Variants in EFHC2 observed in about 807,000 individuals in gnomAD.
The protein encoded by EFHC2 is EF-hand domain containing 2.
In EFHC2, 18 loss-of-function variants were observed where a neutral mutation model predicts 52.7. The observed-to-expected ratio is 0.34, with a 90% CI of 0.24 to 0.51. The LOEUF (loss-of-function observed/expected upper bound fraction) is 0.51, where lower values mean the gene tolerates loss of function less well. Among genes scored for constraint, EFHC2 ranks in the 20% least tolerant of loss-of-function variants. The probability of loss-of-function intolerance (pLI) is 0.97; values close to 1 mark genes in which losing one functional copy is unlikely to be tolerated. For missense variants in EFHC2, 513 were observed against 562.5 expected, an observed-to-expected ratio of 0.91 and a Z score of 0.89; for synonymous variants, 203 against 204.1, an observed-to-expected ratio of 0.99 and a Z score of 0.04.
intron 14 of EFHC2, among the ~76,000 whole-genome samples, chrX:44,154,653 A>G (rs1438012795): frequency 9.1e-6 from 1 of 110,410 alleles, no homozygotes; most frequent in Non-Finnish European, 1.9e-5. Flanking sequence ...GCAGTGAGCC[A>G]TGATCGCACC....
intron 12 of EFHC2, among the ~76,000 whole-genome samples, chrX:44,176,654 G>A (rs1033037441): frequency 2.7e-5 from 3 of 112,288 alleles, no homozygotes; most frequent in African/African-American, 9.7e-5. Context: ...GCCTATTAAG[G>A]CTACAGCCAC....
intron 6 of EFHC2, among the ~76,000 whole-genome samples, 183 bp from the exon 7 acceptor site, chrX:44,248,593 GTAT>G (rs2037418174): frequency 8.9e-6 from 1 of 112,290 alleles, no homozygotes; most frequent in South Asian, 3.6e-4. Context: ...TAGCACTGTA[GTAT>G]TATACTTACA....
intron 1 of EFHC2, among the ~76,000 whole-genome samples, chrX:44,339,053 T>C (rs1460643569): frequency 9.0e-6 from 1 of 111,251 alleles, no homozygotes; most frequent in Non-Finnish European, 1.9e-5. Context: ...TAGCCAGGCG[T>C]GGTGGCACAC....
chrX:44,319,909 GTTTT>G (rs770831051), intron 1 of EFHC2, among the ~76,000 whole-genome samples: 3 of 111,164 alleles, frequency 2.7e-5, no homozygotes, highest in African/African-American at 9.8e-5. Context: ...GAGCAGATAA[GTTTT>G]TATTTATTTT....
At chrX:44,175,002 T>A (rs886212344) in intron 13 of EFHC2, among the ~76,000 whole-genome samples, 1 of 111,807 alleles carries the variant, frequency 8.9e-6, no homozygotes, top group African/African-American at 3.3e-5. Flanking sequence ...TTCCCTGACA[T>A]AGAATTTGGC....
chrX:44,154,105 C>G (rs942671716), intron 14 of EFHC2, among the ~76,000 whole-genome samples: 1 of 112,485 alleles, frequency 8.9e-6, no homozygotes, highest in Admixed American at 9.4e-5. Context: ...TAACTGTCTA[C>G]GTGCAGCAGG....
chrX:44,265,967 G>A (rs945008843), intron 3 of EFHC2, among the ~76,000 whole-genome samples: 1 of 111,624 alleles, frequency 9.0e-6, no homozygotes, highest in Admixed American at 9.5e-5. Flanking sequence ...GTAACCCTAC[G>A]CATCTCCCCC....
At chrX:44,198,941 T>TA (rs1206756823) in intron 11 of EFHC2, among the ~76,000 whole-genome samples, 1 of 111,898 alleles carries the variant, frequency 8.9e-6, no homozygotes, top group Admixed American at 9.4e-5. Flanking sequence ...TCTCTAGGTA[T>TA]AAAAAAAATA....
chrX:44,232,372 C>T (rs1460673145), intron 10 of EFHC2, 109 bp downstream of exon 10: 1 of 557,586 alleles, frequency 1.8e-6, no homozygotes, highest in Non-Finnish European at 2.6e-6. Flanking sequence ...TGTGTGAATG[C>T]ACAATGTACA....
rs1305902956 is a variant in EFHC2, at chrX:44,248,345, C to A, written c.1038G>T (p.Val346=). 8.5e-7 allele frequency: 1 copy of A among 1,175,857 alleles called. No homozygotes were observed. Residue 346 remains valine, a synonymous_variant, in exon 7 of 15, where the codon GTG becomes GTT. Transcript: ENST00000420999. ...SDLSLGVTIN[V]WGRKVLLYDC... ...CATAAAGGAGCACTTTTCTTCCCCA[C>A]ACATTGATGGTGACTCCTAGGGACA...
chrX:44,255,953 A>T (rs147768399), intron 4 of EFHC2, among the ~76,000 whole-genome samples: 1,391 of 111,900 alleles, frequency 0.012, 19 homozygotes, highest in African/African-American at 0.044. Flanking sequence ...TCAACTTAGA[A>T]CTCAGGATTA....
intron 2 of EFHC2, among the ~76,000 whole-genome samples, chrX:44,293,944 T>C (rs752962885): frequency 9.8e-4 from 110 of 112,357 alleles, no homozygotes; most frequent in Middle Eastern, 4.6e-3. Flanking sequence ...CAATGAGTAA[T>C]GCACGAAGGT....
intron 1 of EFHC2, among the ~76,000 whole-genome samples, chrX:44,313,426 G>A (rs1009343712): frequency 1.8e-5 from 2 of 111,526 alleles, no homozygotes; most frequent in African/African-American, 6.5e-5. Flanking sequence ...TCTGAGGAGC[G>A]ATGTGGCAAT....
chrX:44,289,721 G>A (rs1175749595), intron 2 of EFHC2, among the ~76,000 whole-genome samples: 12 of 83,131 alleles, frequency 1.4e-4, no homozygotes, highest in African/African-American at 5.3e-4. Flanking sequence ...TCACTCTGTC[G>A]CCAGGGCTGG....
chrX:44,222,562 T>G (rs2037202184), intron 11 of EFHC2, among the ~76,000 whole-genome samples: 1 of 111,649 alleles, frequency 9.0e-6, no homozygotes, highest in Non-Finnish European at 1.9e-5. Context: ...AGGGGAGGGC[T>G]TTGCCTCTTG....
intron 2 of EFHC2, among the ~76,000 whole-genome samples, chrX:44,304,193 A>T (rs1441114499): frequency 9.5e-6 from 1 of 105,770 alleles, no homozygotes; most frequent in Admixed American, 1.1e-4. Flanking sequence ...TGCCTGATGT[A>T]ATTAGAGAGT....
At chrX:44,310,327 C>G (rs1020949375) in intron 2 of EFHC2, 31 of 890,766 alleles carry the variant, frequency 3.5e-5, no homozygotes, top group Non-Finnish European at 4.7e-5. Context: ...CCTGGAAGAT[C>G]CTCCATGCAG....
chrX:44,276,647 G>T (rs1367690921), intron 2 of EFHC2, among the ~76,000 whole-genome samples: 1 of 112,179 alleles, frequency 8.9e-6, no homozygotes, highest in Non-Finnish European at 1.9e-5. Flanking sequence ...TAGCTTTGTA[G>T]AGAAGAATCT....
intron 5 of EFHC2, among the ~76,000 whole-genome samples, chrX:44,249,630 T>C (rs1243146663): frequency 1.8e-5 from 2 of 111,680 alleles, no homozygotes; most frequent in Non-Finnish European, 3.8e-5. Flanking sequence ...TTTGTAGAAA[T>C]CAATCTGACA....
Sources: gnomAD v4.1 joint callset for allele counts (sites outside exome capture counted in the v4.1 genomes callset) on GRCh38, gnomAD v4.1.1 for gene constraint, MANE v1.5 for transcripts, NCBI Gene and HGNC (gene_info 2026-07-23, HGNC 2026-07-21) for gene names.